The following NPAS3 variants were observed in gnomAD, a reference collection of about 807,000 sequenced individuals.
NPAS3 encodes the protein neuronal PAS domain-containing protein 3.
NPAS3 carries 14 observed loss-of-function variants against 73.1 expected under a neutral mutation model. That is an observed-to-expected ratio of 0.19 (90% CI 0.13 to 0.30). The LOEUF is 0.30. Ranked by LOEUF, NPAS3 falls within the 10% of genes least tolerant of loss-of-function variation. NPAS3 has a pLI of 1.00. For missense variants in NPAS3, 1,096 were observed against 1,250.0 expected (o/e 0.88, Z 1.86); for synonymous variants, 620 against 541.5 (o/e 1.14, Z -2.01).
At chr14:33,639,324 T>G (rs764285685) in intron 5 of NPAS3, among the ~76,000 whole-genome samples, 11 of 152,058 alleles carry the variant, frequency 7.2e-5, no homozygotes, top group Non-Finnish European at 1.5e-4. Flanking sequence ...AAATTTAAAA[T>G]AAGAAGAATT....
chr14:33,387,529 A>G (rs2046822107), intron 4 of NPAS3, among the ~76,000 whole-genome samples: 1 of 152,162 alleles, frequency 6.6e-6, no homozygotes, highest in South Asian at 2.1e-4. Context: ...GAGGCCATCA[A>G]AGCAGGTTCC....
At chr14:33,716,684 G>A (rs1305078900) in intron 6 of NPAS3, among the ~76,000 whole-genome samples, 7 of 151,986 alleles carry the variant, frequency 4.6e-5, no homozygotes, top group Admixed American at 2.0e-4. Context: ...CTATGAGTTT[G>A]CCTGTTCTAG....
chr14:33,489,212 T>C (rs933837082), intron 4 of NPAS3, among the ~76,000 whole-genome samples: 2 of 152,170 alleles, frequency 1.3e-5, no homozygotes, highest in African/African-American at 4.8e-5. Flanking sequence ...ACACAAATAA[T>C]CTGTGTACAA....
intron 2 of NPAS3, among the ~76,000 whole-genome samples, chr14:33,157,003 A>G (rs1440702031): frequency 6.6e-6 from 1 of 152,166 alleles, no homozygotes; most frequent in African/African-American, 2.4e-5. Flanking sequence ...ATCAAGAGGA[A>G]CTCTAAAAAA....
chr14:32,987,645 TAAC>T (rs946798857), intron 1 of NPAS3, among the ~76,000 whole-genome samples: 9 of 152,266 alleles, frequency 5.9e-5, no homozygotes, highest in East Asian at 1.9e-4. Flanking sequence ...TTGATGACAG[TAAC>T]AACAATTGGA....
At chr14:33,204,819 T>C (rs2046763480) in intron 2 of NPAS3, among the ~76,000 whole-genome samples, 1 of 152,134 alleles carries the variant, frequency 6.6e-6, no homozygotes, top group South Asian at 2.1e-4. Flanking sequence ...CCAGCTCTCT[T>C]TTAGAGGCGT....
At chr14:33,535,757 T>C (rs942757017) in intron 4 of NPAS3, among the ~76,000 whole-genome samples, 2 of 152,236 alleles carry the variant, frequency 1.3e-5, no homozygotes, top group African/African-American at 4.8e-5. Context: ...TTTGCCATTA[T>C]TGAAAGGTCT....
At chr14:33,371,114 T>C (rs772442132) in intron 4 of NPAS3, among the ~76,000 whole-genome samples, 17 of 152,002 alleles carry the variant, frequency 1.1e-4, no homozygotes, top group Non-Finnish European at 2.4e-4. Flanking sequence ...CCAGTAAACA[T>C]GAGAAAGGAA....
At chr14:33,786,517 C>G (rs1036867570) in intron 9 of NPAS3, among the ~76,000 whole-genome samples, 1 of 152,264 alleles carries the variant, frequency 6.6e-6, no homozygotes, top group East Asian at 1.9e-4. Flanking sequence ...TCTGCCTATG[C>G]CCTAATCAGA....
chr14:33,602,514 G>T (rs2057430709), intron 5 of NPAS3, among the ~76,000 whole-genome samples: 1 of 152,198 alleles, frequency 6.6e-6, no homozygotes, highest in South Asian at 2.1e-4. Context: ...CTCATGGTGG[G>T]TGGGTCTCTC....
chr14:32,969,548 A>G (rs1353257211), intron 1 of NPAS3, among the ~76,000 whole-genome samples: 2 of 152,210 alleles, frequency 1.3e-5, no homozygotes, highest in Non-Finnish European at 2.9e-5. Flanking sequence ...TCTGCATTGC[A>G]CATGGATAGG....
chr14:33,397,615 A>C (rs2047278406), intron 4 of NPAS3, among the ~76,000 whole-genome samples: 1 of 152,156 alleles, frequency 6.6e-6, no homozygotes, highest in Admixed American at 6.6e-5. Flanking sequence ...TGTGCACTAT[A>C]TGCACCAAGT....
chr14:33,669,121 C>T (rs1324884480), intron 5 of NPAS3, among the ~76,000 whole-genome samples: 4 of 132,554 alleles, frequency 3.0e-5, no homozygotes, highest in Non-Finnish European at 6.9e-5. Context: ...AATGAAGAAG[C>T]TTTGAAAGTG....
intron 9 of NPAS3, among the ~76,000 whole-genome samples, chr14:33,784,745 AT>A (rs1226491375): frequency 0.012 from 879 of 73,840 alleles, 28 homozygotes; most frequent in African/African-American, 0.05. Context: ...TTATTTATTT[AT>A]TTTTTTTTTT....
chr14:33,461,202 A>G (rs1347896232), intron 4 of NPAS3, among the ~76,000 whole-genome samples: 3 of 152,218 alleles, frequency 2.0e-5, no homozygotes, highest in Non-Finnish European at 4.4e-5. Flanking sequence ...AAGTTGTCTT[A>G]TGATCTTTTC....
chr14:33,379,257 T>C (rs552084213), intron 4 of NPAS3, among the ~76,000 whole-genome samples: 1 of 152,178 alleles, frequency 6.6e-6, no homozygotes, highest in South Asian at 2.1e-4. Flanking sequence ...AGTTTTTTGG[T>C]AAAACTTCAA....
chr14:33,714,340 A>T (rs1005794423), intron 6 of NPAS3, among the ~76,000 whole-genome samples: 2 of 151,904 alleles, frequency 1.3e-5, no homozygotes, highest in African/African-American at 4.8e-5. Flanking sequence ...TCACTCTCCT[A>T]CTGTAACTTC....
intron 4 of NPAS3, among the ~76,000 whole-genome samples, chr14:33,526,969 AT>A (rs2053829726): frequency 6.6e-6 from 1 of 152,160 alleles, no homozygotes; most frequent in South Asian, 2.1e-4. Context: ...AGCACCTACT[AT>A]GTAAAGACTC....
At chr14:33,402,114 G>A (rs916848389) in intron 4 of NPAS3, among the ~76,000 whole-genome samples, 7 of 151,918 alleles carry the variant, frequency 4.6e-5, no homozygotes, top group African/African-American at 1.7e-4. Flanking sequence ...GACATTCTTG[G>A]TACAAAGTCC....
Sources: allele counts gnomAD v4.1 joint callset (sites outside exome capture counted in the v4.1 genomes callset), GRCh38; gene constraint gnomAD v4.1.1; transcripts MANE v1.5; gene names NCBI Gene and HGNC (gene_info 2026-07-23, HGNC 2026-07-21).